GLMN: variants seen among roughly 807,000 people sequenced by gnomAD.
GLMN encodes glomulin.
GLMN carries 75 observed loss-of-function variants against 87.8 expected under a neutral mutation model. The ratio of observed to expected loss-of-function variants is 0.85; its 90% CI spans 0.71 to 1.04. The LOEUF (loss-of-function observed/expected upper bound fraction) is 1.04. Among genes scored for constraint, GLMN ranks in the 50% least tolerant of loss-of-function variants. The pLI is 0.00. For synonymous variants in GLMN, 206 were observed against 221.6 expected, an observed-to-expected ratio of 0.93 and a Z score of 0.63; for missense variants, 588 against 658.8, an observed-to-expected ratio of 0.89 and a Z score of 1.18.
chr1:92,318,532 C>G, the GLMN span, among the ~76,000 whole-genome samples: 2 of 152,102 alleles, frequency 1.3e-5, no homozygotes, highest in African/African-American at 2.4e-5. Context: ...TTTCTACTCT[C>G]AAACTTTGAA....
At chr1:92,346,293 G>T in the GLMN span, among the ~76,000 whole-genome samples, 1 of 151,328 alleles carries the variant, frequency 6.6e-6, no homozygotes, top group African/African-American at 2.4e-5. Flanking sequence ...CCTCTCTAGT[G>T]GCTGGGACTA....
chr1:92,270,633 T>C (rs1287909780), intron 8 of GLMN, among the ~76,000 whole-genome samples: 1 of 151,672 alleles, frequency 6.6e-6, no homozygotes, highest in Non-Finnish European at 1.5e-5. Flanking sequence ...ACAATCCTTA[T>C]TATCATAGAA....
chr1:92,352,256 T>C, the GLMN span, among the ~76,000 whole-genome samples: 5 of 152,126 alleles, frequency 3.3e-5, no homozygotes, highest in East Asian at 9.7e-4. Flanking sequence ...GTTCAGGGAG[T>C]AGCATGCAAG....
the GLMN span, among the ~76,000 whole-genome samples, chr1:92,352,378 G>A: frequency 1.3e-5 from 2 of 152,188 alleles, no homozygotes; most frequent in Admixed American, 1.3e-4. Flanking sequence ...AGATACTCTG[G>A]AGAGTCACTT....
At chr1:92,370,595 A>G in the GLMN span, among the ~76,000 whole-genome samples, 5 of 152,206 alleles carry the variant, frequency 3.3e-5, no homozygotes, top group African/African-American at 1.2e-4. Context: ...ATAGAAGTGT[A>G]GAATCTCCAT....
At chr1:92,295,035 C>T (rs1649866326) in intron 3 of GLMN, among the ~76,000 whole-genome samples, 1 of 152,194 alleles carries the variant, frequency 6.6e-6, no homozygotes, top group Admixed American at 6.5e-5. Context: ...TTTAGCTGAC[C>T]ACATATTGCA....
chr1:92,312,493 A>C, the GLMN span, among the ~76,000 whole-genome samples: 1 of 152,164 alleles, frequency 6.6e-6, no homozygotes, highest in Non-Finnish European at 1.5e-5. Context: ...GGAATATTCT[A>C]AATCTTGTGT....
At chr1:92,294,449 AC>A (rs1649794999) in intron 3 of GLMN, among the ~76,000 whole-genome samples, 1 of 152,206 alleles carries the variant, frequency 6.6e-6, no homozygotes, top group South Asian at 2.1e-4. Context: ...ATATATAAAT[AC>A]TATACATGCA....
chr1:92,312,590 GCT>G, the GLMN span, among the ~76,000 whole-genome samples: 1 of 152,168 alleles, frequency 6.6e-6, no homozygotes, highest in African/African-American at 2.4e-5. Flanking sequence ...ATAAGAAGCA[GCT>G]GTATATCCGT....
chr1:92,363,744 T>C, the GLMN span: 3 of 369,574 alleles, frequency 8.1e-6, no homozygotes, highest in South Asian at 6.6e-5. Context: ...AAGACCTTTA[T>C]GATGATCTAC....
At chr1:92,367,601 A>T in the GLMN span, among the ~76,000 whole-genome samples, 1 of 152,144 alleles carries the variant, frequency 6.6e-6, no homozygotes, top group African/African-American at 2.4e-5. Flanking sequence ...ACCTTTATGC[A>T]TGGTAATCAG....
intron 15 of GLMN, 53 bp from the exon 16 acceptor site, chr1:92,262,979 C>T: frequency 2.6e-6 from 2 of 755,672 alleles, no homozygotes; most frequent in African/African-American, 1.7e-5. Context: ...TAGTCAACAG[C>T]AATCTCAATA....
At chr1:92,308,116 G>T in the GLMN span, among the ~76,000 whole-genome samples, 3 of 151,758 alleles carry the variant, frequency 2.0e-5, no homozygotes, top group Admixed American at 6.6e-5. Flanking sequence ...TTTCTGATGC[G>T]TAAGGCGATG....
the GLMN span, among the ~76,000 whole-genome samples, chr1:92,322,925 T>A: frequency 6.8e-6 from 1 of 147,734 alleles, no homozygotes; most frequent in Non-Finnish European, 1.5e-5. Flanking sequence ...TTTTTTAAAC[T>A]ACATATATAC....
upstream of GLMN, chr1:92,299,025 C>A (rs1393266618): frequency 8.0e-6 from 9 of 1,121,878 alleles, no homozygotes; most frequent in Non-Finnish European, 1.1e-5. Context: ...GGCGGGGCCT[C>A]GGGGCGAGAC....
the GLMN span, among the ~76,000 whole-genome samples, chr1:92,334,325 G>T: frequency 2.0e-5 from 3 of 151,892 alleles, no homozygotes; most frequent in Admixed American, 6.6e-5. Context: ...ACCTTTTTTG[G>T]TTTTTTATTT....
chr1:92,273,621 A>AT (rs973838588), intron 7 of GLMN, among the ~76,000 whole-genome samples: 31 of 148,560 alleles, frequency 2.1e-4, no homozygotes, highest in Admixed American at 8.0e-4. Flanking sequence ...TTTTTTTTTT[A>AT]TTTTTTTTAT....
intron 15 of GLMN, among the ~76,000 whole-genome samples, 168 bp from the exon 16 acceptor site, chr1:92,263,094 T>G (rs778245084): frequency 2.6e-5 from 4 of 152,234 alleles, no homozygotes; most frequent in Admixed American, 6.5e-5. Flanking sequence ...TCCATTTGTT[T>G]AAATCATACA....
At position 92,255,836 on chromosome 1, in the gene GLMN, C is replaced by T. The variant is rs139051154; in HGVS notation, c.1473+7027G>A. On this transcript the variant is annotated intron_variant, in intron 16 of 18. Transcript: ENST00000370360. ...GAAAGATCTAAAATCGACGACCTAA[C>T]ATCACAATTAAAAGAAATAGAGAGG... 1.7e-3 allele frequency among the ~76,000 whole-genome samples: 261 copies of T among 152,246 alleles called. 3 individuals are homozygous for T. Among genetic ancestry groups the T allele is most frequent in the South Asian group, 1.0e-3 (5 of 4,822 alleles).
Sources: gnomAD v4.1 joint callset for allele counts (sites outside exome capture counted in the v4.1 genomes callset) on GRCh38, gnomAD v4.1.1 for gene constraint, MANE v1.5 for transcripts, NCBI Gene and HGNC (gene_info 2026-07-23, HGNC 2026-07-21) for gene names.